KCNB2: variants seen among roughly 807,000 people sequenced by gnomAD.
KCNB2 encodes the protein delayed rectifier potassium channel protein.
In KCNB2, 15 loss-of-function variants were observed where a neutral mutation model predicts 61.5. That is an observed-to-expected ratio of 0.24 (90% CI 0.16 to 0.38). KCNB2 has a LOEUF of 0.38. KCNB2 is among the 10% of genes least tolerant of loss of function. The pLI, the probability that KCNB2 is intolerant of heterozygous loss-of-function variation, is 1.00. For synonymous variants in KCNB2, 457 were observed against 446.0 expected (o/e 1.02, Z -0.31); for missense variants, 828 against 1,125.2 (o/e 0.74, Z 3.78).
At chr8:72,569,862 A>G (rs1806684140) in intron 2 of KCNB2, among the ~76,000 whole-genome samples, 1 of 152,202 alleles carries the variant, frequency 6.6e-6, no homozygotes, top group African/African-American at 2.4e-5. Flanking sequence ...ATTTCCAGAG[A>G]AAGTTAGCCA....
chr8:72,723,379 A>C (rs914990920), intron 2 of KCNB2, among the ~76,000 whole-genome samples: 30 of 152,310 alleles, frequency 2.0e-4, no homozygotes, highest in African/African-American at 7.2e-4. Context: ...GTCACTAAAA[A>C]ACTACATCTT....
intron 2 of KCNB2, among the ~76,000 whole-genome samples, chr8:72,640,026 G>A (rs1278819868): frequency 6.6e-6 from 1 of 151,798 alleles, no homozygotes; most frequent in Non-Finnish European, 1.5e-5. Flanking sequence ...TTCAGGAGTC[G>A]TTGGTCAAAT....
At chr8:72,609,451 A>G (rs2128983184) in intron 2 of KCNB2, among the ~76,000 whole-genome samples, 1 of 152,342 alleles carries the variant, frequency 6.6e-6, no homozygotes, top group African/African-American at 2.4e-5. Flanking sequence ...AAGAAGAAAA[A>G]AATGTATTCT....
At chr8:72,682,503 T>C (rs1286581710) in intron 2 of KCNB2, among the ~76,000 whole-genome samples, 5 of 151,866 alleles carry the variant, frequency 3.3e-5, no homozygotes, top group African/African-American at 4.8e-5. Flanking sequence ...CCATATTTGA[T>C]TGGGGCTCTT....
intron 2 of KCNB2, among the ~76,000 whole-genome samples, chr8:72,581,657 C>T (rs1806899798): frequency 6.6e-6 from 1 of 152,178 alleles, no homozygotes; most frequent in South Asian, 2.1e-4. Context: ...CGGATGTCTT[C>T]CTGGTTTTAA....
At chr8:72,930,327 G>C (rs1050936468) in intron 2 of KCNB2, among the ~76,000 whole-genome samples, 83 of 152,012 alleles carry the variant, frequency 5.5e-4, no homozygotes, top group Non-Finnish European at 1.1e-3. Context: ...TAATGGGATG[G>C]CTGGGTCAAA....
At chr8:72,699,599 A>G (rs369109992) in intron 2 of KCNB2, among the ~76,000 whole-genome samples, 1 of 152,130 alleles carries the variant, frequency 6.6e-6, no homozygotes, top group South Asian at 2.1e-4. Flanking sequence ...CTTTAGTTTA[A>G]TTAGATCCCA....
At chr8:72,705,030 C>A (rs1441276760) in intron 2 of KCNB2, among the ~76,000 whole-genome samples, 1 of 152,002 alleles carries the variant, frequency 6.6e-6, no homozygotes, top group Non-Finnish European at 1.5e-5. Context: ...TCCTTGGATG[C>A]AGAACCCATG....
At chr8:72,787,776 T>C (rs1026599951) in intron 2 of KCNB2, among the ~76,000 whole-genome samples, 3 of 152,202 alleles carry the variant, frequency 2.0e-5, no homozygotes, top group African/African-American at 7.2e-5. Flanking sequence ...TGAATGTCTT[T>C]TATGCATTTT....
chr8:72,641,607 T>C (rs553462285), intron 2 of KCNB2, among the ~76,000 whole-genome samples: 1 of 152,214 alleles, frequency 6.6e-6, no homozygotes, highest in Non-Finnish European at 1.5e-5. Flanking sequence ...CTAGATAACT[T>C]TGGATCTCCT....
At chr8:72,545,284 G>T (rs1473873280) in intron 1 of KCNB2, among the ~76,000 whole-genome samples, 1 of 152,116 alleles carries the variant, frequency 6.6e-6, no homozygotes, top group East Asian at 1.9e-4. Flanking sequence ...TTTTTATGGT[G>T]CTTTGTTTTA....
intron 2 of KCNB2, among the ~76,000 whole-genome samples, chr8:72,851,338 G>A (rs1028871940): frequency 1.4e-5 from 2 of 148,038 alleles, no homozygotes; most frequent in Admixed American, 6.8e-5. Context: ...TGAGACAATC[G>A]GTGACAGAAC....
intron 2 of KCNB2, among the ~76,000 whole-genome samples, chr8:72,584,451 GT>G (rs1221125179): frequency 6.6e-6 from 1 of 151,662 alleles, no homozygotes; most frequent in Non-Finnish European, 1.5e-5. Context: ...AGTCCTTTTT[GT>G]TTTTGTTTGA....
At chr8:72,882,146 C>T (rs964148935) in intron 2 of KCNB2, among the ~76,000 whole-genome samples, 2 of 152,106 alleles carry the variant, frequency 1.3e-5, no homozygotes, top group African/African-American at 2.4e-5. Context: ...CACCTGTGCC[C>T]GACAAAGCAC....
rs1385297705 is a variant in KCNB2, at chr8:72,938,168, C to T, written c.*77C>T. ...TTCTTAAAAATGCGGTTAATAATGC[C>T]TGTGAACTAAAAAAATGGGAAGCCC... On this transcript the variant is annotated 3_prime_UTR_variant, in exon 3 of 3. Coordinates refer to ENST00000523207, the MANE Select transcript of KCNB2 (RefSeq NM_004770.3). The T allele has an allele frequency of 1.6e-5, 19 of 1,201,834 alleles. No homozygotes were observed. Among genetic ancestry groups the T allele is most frequent in the Non-Finnish European group, 2.0e-5 (17 of 849,540 alleles). 74.4% of individuals were successfully genotyped at this position (1,201,834 alleles called of 1,614,324 possible). A position where few individuals can be genotyped will look rare whatever the true frequency, so the allele number is the denominator to read the frequency against.
At chr8:72,558,207 G>A (rs1478923173) in intron 1 of KCNB2, among the ~76,000 whole-genome samples, 1 of 152,198 alleles carries the variant, frequency 6.6e-6, no homozygotes, top group African/African-American at 2.4e-5. Context: ...CTTGTACTTT[G>A]CTGTTGTTGC....
At chr8:72,853,089 C>G (rs755115792) in intron 2 of KCNB2, among the ~76,000 whole-genome samples, 20 of 152,184 alleles carry the variant, frequency 1.3e-4, no homozygotes, top group Non-Finnish European at 2.2e-4. Context: ...ATAGTTGATA[C>G]TTATTTGTGT....
intron 2 of KCNB2, among the ~76,000 whole-genome samples, chr8:72,574,441 C>T (rs1321408323): frequency 6.6e-6 from 1 of 152,208 alleles, no homozygotes; most frequent in Non-Finnish European, 1.5e-5. Flanking sequence ...TCTTTTTACT[C>T]TTCAAAGTGT....
rs150158050 is a variant in KCNB2, at chr8:72,803,939, G to C, written c.580-131996G>C. Among the ~76,000 whole-genome samples, 149 of 152,300 alleles carry C rather than the reference G, an allele frequency of 9.8e-4. 2 individuals are homozygous for C. The highest frequency in any genetic ancestry group is 3.3e-3 in the African/African-American group (137 of 41,568). ...TAGAGAAGTGTATCTGTGCAGGCAG[G>C]AAGGCACTTTACAAGGGTAGCAGAA... is the stretch of plus-strand genomic sequence containing the variant. On this transcript the variant is annotated intron_variant, in intron 2 of 2. Transcript: ENST00000523207.
Sources: gnomAD v4.1 joint callset for allele counts (sites outside exome capture counted in the v4.1 genomes callset) on GRCh38, gnomAD v4.1.1 for gene constraint, MANE v1.5 for transcripts, NCBI Gene and HGNC (gene_info 2026-07-23, HGNC 2026-07-21) for gene names.